Variants in PRKN observed in about 807,000 individuals in gnomAD.
PRKN encodes parkin RBR E3 ubiquitin protein ligase.
PRKN carries 56 observed loss-of-function variants against 59.5 expected under a neutral mutation model. The observed-to-expected ratio is 0.94, with a 90% CI of 0.76 to 1.18. PRKN has a LOEUF of 1.18. Ranked by LOEUF, PRKN falls within the 50% of genes most tolerant of loss-of-function variation. The pLI is 0.00. For synonymous variants in PRKN, 250 were observed against 222.1 expected, an observed-to-expected ratio of 1.13 and a Z score of -1.12; for missense variants, 657 against 596.4, an observed-to-expected ratio of 1.10 and a Z score of -1.06.
intron 7 of PRKN, among the ~76,000 whole-genome samples, chr6:161,678,530 C>CA (rs952811113): frequency 3.4e-5 from 5 of 147,874 alleles, no homozygotes; most frequent in African/African-American, 1.2e-4. Flanking sequence ...TTTATTTAAG[C>CA]AAAAAACCTT....
chr6:162,485,880 A>G (rs1792514636), intron 1 of PRKN, among the ~76,000 whole-genome samples: 1 of 152,180 alleles, frequency 6.6e-6, no homozygotes, highest in Non-Finnish European at 1.5e-5. Flanking sequence ...TGAAGGAGCT[A>G]AAGGCTTGTT....
intron 7 of PRKN, among the ~76,000 whole-genome samples, chr6:161,615,836 C>G (rs970529911): frequency 6.6e-6 from 1 of 152,222 alleles, no homozygotes; most frequent in Non-Finnish European, 1.5e-5. Flanking sequence ...GAACTGCAGA[C>G]GAGCTGCCTT....
intron 4 of PRKN, among the ~76,000 whole-genome samples, chr6:162,176,100 C>A (rs370977736): frequency 6.6e-6 from 1 of 152,146 alleles, no homozygotes; most frequent in Non-Finnish European, 1.5e-5. Context: ...CTCTTACCTG[C>A]TAAGCAGGGG....
At position 162,141,361 on chromosome 6, in the gene PRKN, C is replaced by A. The variant is rs191550912; in HGVS notation, c.534+59770G>T. 1.2e-3 allele frequency among the ~76,000 whole-genome samples: 186 copies of A among 152,174 alleles called. 2 individuals are homozygous for A. Among genetic ancestry groups the A allele is most frequent in the African/African-American group, 4.1e-3 (172 of 41,512 alleles). On this transcript the variant is annotated intron_variant, in intron 4 of 11. Coordinates refer to ENST00000366898, the MANE Select transcript of PRKN (RefSeq NM_004562.3). The stretch of plus-strand genomic sequence containing the variant: ...TATAACTAAGCCTTCAAAATCAAAT[C>A]AAATTTACCTAATGCTTTATTTTTC...
At chr6:161,681,682 G>C (rs1318340065) in intron 7 of PRKN, among the ~76,000 whole-genome samples, 2 of 152,326 alleles carry the variant, frequency 1.3e-5, no homozygotes, top group African/African-American at 4.8e-5. Flanking sequence ...TGGAGCTTTT[G>C]CTGGCCACAC....
chr6:162,022,116 G>T (rs1399972850), intron 5 of PRKN, among the ~76,000 whole-genome samples: 1 of 151,936 alleles, frequency 6.6e-6, no homozygotes, highest in Non-Finnish European at 1.5e-5. Flanking sequence ...CATTTAAGTT[G>T]ATTTCATTAC....
chr6:162,692,154 A>AT (rs1777798741), intron 1 of PRKN, among the ~76,000 whole-genome samples: 1 of 95,648 alleles, frequency 1.0e-5, no homozygotes, highest in Admixed American at 1.3e-4. Flanking sequence ...TTAAAGTATA[A>AT]TAAAAAAAAA....
chr6:161,909,173 G>A (rs556468858), intron 6 of PRKN, among the ~76,000 whole-genome samples: 1 of 152,236 alleles, frequency 6.6e-6, no homozygotes, highest in South Asian at 2.1e-4. Flanking sequence ...AGAATCTCAC[G>A]TTGTTAATGA....
intron 1 of PRKN, among the ~76,000 whole-genome samples, chr6:162,586,112 C>T (rs968267090): frequency 1.3e-5 from 2 of 152,114 alleles, no homozygotes; most frequent in African/African-American, 4.8e-5. Context: ...CACCAAGGCA[C>T]CCAATAGAGG....
intron 1 of PRKN, among the ~76,000 whole-genome samples, chr6:162,596,683 T>C (rs1299888441): frequency 6.6e-6 from 1 of 152,214 alleles, no homozygotes; most frequent in Non-Finnish European, 1.5e-5. Context: ...TATCTGACTA[T>C]CCTAGAATAG....
At chr6:162,219,537 C>T (rs897697887) in intron 3 of PRKN, among the ~76,000 whole-genome samples, 7 of 151,640 alleles carry the variant, frequency 4.6e-5, no homozygotes, top group Non-Finnish European at 7.4e-5. Context: ...GGCAACACTA[C>T]GTAGAAAATG....
At chr6:162,281,916 C>T (rs1227172119) in intron 2 of PRKN, among the ~76,000 whole-genome samples, 1 of 132,340 alleles carries the variant, frequency 7.6e-6, no homozygotes, top group Non-Finnish European at 1.6e-5. Context: ...GAAACTGGTC[C>T]ACCTCAGATC....
intron 9 of PRKN, among the ~76,000 whole-genome samples, chr6:161,422,509 A>C (rs1455336900): frequency 6.6e-6 from 1 of 152,084 alleles, no homozygotes; most frequent in Admixed American, 6.6e-5. Context: ...AGACAACACA[A>C]ATAAAATCTT....
At chr6:161,754,417 C>A (rs189610257) in intron 7 of PRKN, among the ~76,000 whole-genome samples, 5 of 152,000 alleles carry the variant, frequency 3.3e-5, no homozygotes, top group African/African-American at 1.2e-4. Flanking sequence ...CGCGGGGCAT[C>A]CAGGGAAGTG....
intron 4 of PRKN, among the ~76,000 whole-genome samples, chr6:162,154,343 A>G: frequency 6.6e-6 from 1 of 152,128 alleles, no homozygotes. Context: ...AATAATAAGA[A>G]AATGCCTGAA....
chr6:162,724,510 C>T (rs1779051494), intron 1 of PRKN, among the ~76,000 whole-genome samples: 1 of 152,178 alleles, frequency 6.6e-6, no homozygotes, highest in South Asian at 2.1e-4. Flanking sequence ...CTTTACGTTT[C>T]TCCTTAAACT....
chr6:162,168,205 C>T (rs1441285534), intron 4 of PRKN, among the ~76,000 whole-genome samples: 1 of 152,032 alleles, frequency 6.6e-6, no homozygotes, highest in Non-Finnish European at 1.5e-5. Flanking sequence ...TTCTTTCTCT[C>T]CCTATCTCTG....
chr6:161,638,738 A>ATTTTTTTTTTTTTTT (rs386409169), intron 7 of PRKN, among the ~76,000 whole-genome samples: 4 of 100,184 alleles, frequency 4.0e-5, no homozygotes, highest in East Asian at 2.8e-4. Flanking sequence ...ACGAGATCTG[A>ATTTTTTTTTTTTTTT]TTTTTTTTTT....
chr6:161,609,236 T>C (rs921053626), intron 7 of PRKN, among the ~76,000 whole-genome samples: 7 of 152,236 alleles, frequency 4.6e-5, no homozygotes, highest in African/African-American at 1.7e-4. Flanking sequence ...TACTTTTAAT[T>C]TTTTATACAT....
Sources: gnomAD v4.1 joint callset for allele counts (sites outside exome capture counted in the v4.1 genomes callset) on GRCh38, gnomAD v4.1.1 for gene constraint, MANE v1.5 for transcripts, NCBI Gene and HGNC (gene_info 2026-07-23, HGNC 2026-07-21) for gene names.